Variants in MIA2 observed in about 807,000 individuals in gnomAD.
The protein encoded by MIA2 is MIA SH3 domain ER export factor 2.
In MIA2, 127 loss-of-function variants were observed where a neutral mutation model predicts 167.8. That is an observed-to-expected ratio of 0.76 (90% CI 0.66 to 0.88). MIA2 has a LOEUF of 0.88. MIA2 is among the 40% of genes least tolerant of loss of function. The pLI is 0.00. For synonymous variants in MIA2, 552 were observed against 541.9 expected (o/e 1.02, Z -0.26); for missense variants, 1,690 against 1,624.7 (o/e 1.04, Z -0.69).
intron 6 of MIA2, among the ~76,000 whole-genome samples, chr14:39,260,155 C>T (rs956539180): frequency 1.2e-4 from 18 of 152,194 alleles, no homozygotes; most frequent in Admixed American, 2.6e-4. Context: ...TGAATAGTGC[C>T]GCAGTAAACA....
intron 6 of MIA2, among the ~76,000 whole-genome samples, chr14:39,272,484 G>A (rs1477798417): frequency 6.6e-6 from 1 of 152,246 alleles, no homozygotes; most frequent in Admixed American, 6.5e-5. Flanking sequence ...TTTAACTTGT[G>A]GCTTGGCTTT....
At chr14:39,346,704 A>T (rs1387728594) in intron 26 of MIA2, among the ~76,000 whole-genome samples, 2 of 148,782 alleles carry the variant, frequency 1.3e-5, no homozygotes, top group Non-Finnish European at 3.0e-5. Flanking sequence ...ATATAATTTT[A>T]AAAATATTGA....
At chr14:39,381,371 T>C (rs538155608) in intron 23 of MIA2, among the ~76,000 whole-genome samples, 17 of 152,358 alleles carry the variant, frequency 1.1e-4, no homozygotes, top group African/African-American at 4.1e-4. Flanking sequence ...TGATAGCAGC[T>C]TTTAAGGTGA....
intron 6 of MIA2, among the ~76,000 whole-genome samples, chr14:39,275,641 A>G (rs1477087374): frequency 6.6e-6 from 1 of 152,246 alleles, no homozygotes; most frequent in East Asian, 1.9e-4. Context: ...TGTGTTGAAT[A>G]CATTAGCTAA....
At chr14:39,340,580 T>A (rs780307578) in intron 25 of MIA2, among the ~76,000 whole-genome samples, 2 of 152,198 alleles carry the variant, frequency 1.3e-5, no homozygotes, top group Admixed American at 6.5e-5. Flanking sequence ...ACAAGACTGA[T>A]TTAGTAGAAT....
chr14:39,314,236 A>T (rs907319428), intron 19 of MIA2, among the ~76,000 whole-genome samples: 6 of 152,018 alleles, frequency 3.9e-5, no homozygotes, highest in Non-Finnish European at 8.8e-5. Flanking sequence ...AAATACAAAA[A>T]ATTAGTTGGT....
rs767470254 is a variant in MIA2 at position 39,234,169 on chromosome 14, T to C, written c.55T>C (p.Cys19Arg). Residue 19 changes from cysteine to arginine, a missense_variant, in exon 1 of 29, where the codon TGT (cysteine) becomes CGT (arginine). Cys to Arg is a radical substitution (Grantham distance 180, BLOSUM62 -3). Transcript: ENST00000640607. ...ILLLAISLTK[C>R]LESTKLLADL... is the part of the protein sequence containing the mutation. ...TCTTCTGGCTATTTCTCTGACAAAG[T>C]GTCTGGAGAGTACAAAACTGCTGGC... The C allele has an allele frequency of 1.1e-5, 18 of 1,610,484 alleles. No homozygotes were observed. The highest frequency in any genetic ancestry group is 1.1e-5 in the Non-Finnish European group (13 of 1,178,712).
intron 6 of MIA2, chr14:39,266,233 G>T: frequency 3.0e-6 from 3 of 985,438 alleles, no homozygotes; most frequent in Non-Finnish European, 3.6e-6. Context: ...AGAATATAAT[G>T]AGAATGATCA....
intron 7 of MIA2, among the ~76,000 whole-genome samples, chr14:39,277,758 A>ATATATATATATGTGTG (rs1566685605): frequency 8.5e-5 from 2 of 23,588 alleles, no homozygotes; most frequent in Admixed American, 1.4e-3. Flanking sequence ...GTATATATAT[A>ATATATATATATGTGTG]TATATATATA....
intron 3 of MIA2, among the ~76,000 whole-genome samples, chr14:39,242,674 C>G (rs892694287): frequency 6.6e-6 from 1 of 152,134 alleles, no homozygotes; most frequent in East Asian, 1.9e-4. Flanking sequence ...TGCAGAATCC[C>G]AGCACCTAGC....
chr14:39,373,102 C>T (rs2074979881), intron 23 of MIA2, among the ~76,000 whole-genome samples: 1 of 152,116 alleles, frequency 6.6e-6, no homozygotes. Context: ...ACTACATGAA[C>T]ATATTAAATT....
chr14:39,293,395 A>T lies in MIA2; in HGVS notation c.2319+14A>T. On this transcript the variant is annotated intron_variant, in intron 11 of 28. Coordinates refer to ENST00000640607, the MANE Select transcript of MIA2 (RefSeq NM_001329214.4). ...CAAGATGAATTGGTAAGGCTTTTTT[A>T]TTTGAGGAGAATATAAGAAAAAGAA... 6.8e-7 allele frequency: 1 copy of T among 1,467,924 alleles called. No individual in the cohort carries two copies. Among genetic ancestry groups the T allele is most frequent in the Middle Eastern group, 1.7e-4 (1 of 5,742 alleles). The allele number at this position is 1,467,924 out of a possible 1,614,324, so 90.9% of individuals were successfully genotyped here.
Position 39,326,861 on chromosome 14 carries a change from T to G in MIA2, c.3497-3T>G, listed in dbSNP as rs767923246. 6.4e-7 allele frequency: 1 copy of G among 1,562,628 alleles called. No individual in the cohort carries two copies. The highest frequency in any genetic ancestry group is 2.1e-5 in the Admixed American group (1 of 47,982). The stretch of plus-strand genomic sequence containing the variant: ...ATTTGTATGTTTTTTTTTCTTTAAT[T>G]AGGCTCACGAGGCCCAGGGAATCCT... On this transcript the variant is annotated splice_polypyrimidine_tract_variant and splice_region_variant and intron_variant, in intron 24 of 28. Coordinates refer to ENST00000640607, the MANE Select transcript of MIA2 (RefSeq NM_001329214.4).
At chr14:39,280,847 A>C (rs112512732) in intron 9 of MIA2, among the ~76,000 whole-genome samples, 2 of 133,378 alleles carry the variant, frequency 1.5e-5, no homozygotes, top group Non-Finnish European at 3.3e-5. Flanking sequence ...GTTTTTTTCT[A>C]TTTGTCCTTA....
chr14:39,242,556 C>G (rs1191746376), intron 3 of MIA2, among the ~76,000 whole-genome samples: 3 of 151,970 alleles, frequency 2.0e-5, no homozygotes, highest in East Asian at 3.9e-4. Flanking sequence ...CTCCTGACCT[C>G]AAGTGATCCA....
At position 39,265,512 on chromosome 14, in the gene MIA2, G is replaced by T. The variant is rs527888930; in HGVS notation, c.1888-11422G>T. ...AGCTTTACTGTGTTTTTGCTATGGG[G>T]GGAACTTGGATTTTTCTTTTTTTTT... On this transcript the variant is annotated intron_variant, in intron 6 of 28. Transcript: ENST00000640607. The T allele has an allele frequency of 6.2e-6, 6 of 960,516 alleles. No homozygotes were observed. In the East Asian group the frequency reaches 1.0e-4, roughly 16 times the overall value. 59.5% of individuals were successfully genotyped at this position (960,516 alleles called of 1,614,324 possible).
At chr14:39,294,298 A>G (rs1595187775) in intron 12 of MIA2, among the ~76,000 whole-genome samples, 1 of 152,078 alleles carries the variant, frequency 6.6e-6, no homozygotes, top group African/African-American at 2.4e-5. Context: ...CCTGGGTTCA[A>G]GCAGTTCTCC....
At chr14:39,340,405 T>G (rs1342920677) in intron 25 of MIA2, among the ~76,000 whole-genome samples, 1 of 152,174 alleles carries the variant, frequency 6.6e-6, no homozygotes, top group Non-Finnish European at 1.5e-5. Context: ...ACAGCTAAAT[T>G]GATGAGAACA....
intron 6 of MIA2, chr14:39,266,341 T>C (rs1446571570): frequency 8.1e-6 from 8 of 985,290 alleles, no homozygotes; most frequent in Non-Finnish European, 9.6e-6. Context: ...TGGCACTTTA[T>C]TCGACGGTCC....
Sources: allele counts gnomAD v4.1 joint callset (sites outside exome capture counted in the v4.1 genomes callset), GRCh38; gene constraint gnomAD v4.1.1; transcripts MANE v1.5; gene names NCBI Gene and HGNC (gene_info 2026-07-23, HGNC 2026-07-21).